PATJ: variants seen among roughly 807,000 people sequenced by gnomAD.
The protein encoded by PATJ is inaD-like protein.
In PATJ, 190 loss-of-function variants were observed where a neutral mutation model predicts 224.9. That is an observed-to-expected ratio of 0.84 (90% CI 0.75 to 0.95). PATJ has a LOEUF of 0.95. Ranked by LOEUF, PATJ falls within the 40% of genes least tolerant of loss-of-function variation. PATJ has a pLI of 0.00. For missense variants in PATJ, 2,121 were observed against 2,270.3 expected (o/e 0.93, Z 1.34); for synonymous variants, 769 against 820.3 (o/e 0.94, Z 1.07).
intron 30 of PATJ, among the ~76,000 whole-genome samples, chr1:62,044,269 C>A (rs999253845): frequency 9.9e-5 from 15 of 152,148 alleles, no homozygotes; most frequent in Non-Finnish European, 1.8e-4. Context: ...TGTCTTCAAC[C>A]TTCACCCCAT....
At chr1:61,993,910 C>A (rs1042649801) in intron 28 of PATJ, among the ~76,000 whole-genome samples, 1 of 152,136 alleles carries the variant, frequency 6.6e-6, no homozygotes, top group African/African-American at 2.4e-5. Flanking sequence ...TTGGACTCCT[C>A]CTATGCTTTC....
chr1:61,861,284 CTTTTT>C, intron 18 of PATJ, among the ~76,000 whole-genome samples: 12,128 of 49,002 alleles, frequency 0.25, 997 homozygotes, highest in African/African-American at 0.29. Context: ...TTCTTTCTTT[CTTTTT>C]TTTTTTTTTT....
At chr1:61,943,174 T>G (rs1678078256) in intron 27 of PATJ, among the ~76,000 whole-genome samples, 1 of 152,228 alleles carries the variant, frequency 6.6e-6, no homozygotes, top group African/African-American at 2.4e-5. Flanking sequence ...AGCTCCAGTC[T>G]ACAGCTCCCA....
intron 27 of PATJ, among the ~76,000 whole-genome samples, chr1:61,930,062 G>C (rs546285179): frequency 8.5e-5 from 13 of 152,110 alleles, no homozygotes; most frequent in Non-Finnish European, 1.9e-4. Context: ...AGCCATTCTT[G>C]AGCTATAATA....
intron 37 of PATJ, among the ~76,000 whole-genome samples, chr1:62,118,790 C>T (rs1050387947): frequency 1.3e-5 from 2 of 151,934 alleles, no homozygotes; most frequent in Non-Finnish European, 2.9e-5. Flanking sequence ...CCACCACATC[C>T]GGCTAATTTT....
intron 27 of PATJ, among the ~76,000 whole-genome samples, chr1:61,945,170 A>G (rs1306250773): frequency 2.0e-5 from 3 of 152,222 alleles, no homozygotes; most frequent in African/African-American, 7.2e-5. Flanking sequence ...TGCATCAACT[A>G]ACGAGCAAAA....
chr1:61,838,510 A>T (rs899523217), intron 17 of PATJ, among the ~76,000 whole-genome samples: 4 of 145,702 alleles, frequency 2.7e-5, no homozygotes, highest in African/African-American at 1.0e-4. Flanking sequence ...ACCTGCTACC[A>T]CGCCTGGCTA....
rs187511508 is a variant in PATJ, at chr1:61,916,992, A to G, written c.3570+2328A>G. Among the ~76,000 whole-genome samples the G allele has an allele frequency of 1.7e-3, 258 of 152,278 alleles. 1 individual carries two copies. The highest frequency in any genetic ancestry group is 6.8e-3 in the Middle Eastern group (2 of 294). On this transcript the variant is annotated intron_variant, in intron 26 of 43. Transcript: ENST00000642238. ...ACAGAGTCTGGAAAATACCTTAAAC[A>G]CTAATCTTAGTTTTTATAATAGTAA...
At position 61,827,656 on chromosome 1, in the gene PATJ, A is replaced by G. The variant is rs375278525; in HGVS notation, c.1980+73A>G. The G allele has an allele frequency of 9.2e-5, 130 of 1,410,606 alleles. No individual in the cohort carries two copies. In the African/African-American group the frequency reaches 1.7e-3, roughly 18 times the overall value. 87.4% of individuals were successfully genotyped at this position (1,410,606 alleles called of 1,614,324 possible). ...AAGATGCCCCGAAGACTGTGCTGCAATAAGAAGGGAGGGGAAACCATTCCA... is the reference window on the plus strand; with the variant it reads ...AAGATGCCCCGAAGACTGTGCTGCAGTAAGAAGGGAGGGGAAACCATTCCA... On this transcript the variant is annotated intron_variant, in intron 16 of 43. Coordinates refer to ENST00000642238, the MANE Select transcript of PATJ (RefSeq NM_001350145.3).
chr1:61,891,046 C>CAAA (rs559211382), intron 22 of PATJ, among the ~76,000 whole-genome samples: 8 of 134,690 alleles, frequency 5.9e-5, no homozygotes, highest in South Asian at 2.3e-4. Context: ...TGTTGATTAA[C>CAAA]AAAAAAAAAA....
At chr1:61,900,622 C>T (rs1274044927) in intron 23 of PATJ, among the ~76,000 whole-genome samples, 1 of 151,564 alleles carries the variant, frequency 6.6e-6, no homozygotes, top group Admixed American at 6.6e-5. Flanking sequence ...CGGAGTCTGG[C>T]TCTGTCGCCC....
chr1:62,052,041 G>A (rs1653725443), intron 31 of PATJ, among the ~76,000 whole-genome samples: 2 of 152,102 alleles, frequency 1.3e-5, no homozygotes, highest in Admixed American at 6.5e-5. Context: ...CTCATCATCT[G>A]CTTTTCTGTT....
intron 29 of PATJ, among the ~76,000 whole-genome samples, chr1:62,019,696 A>G (rs1193114421): frequency 6.6e-6 from 1 of 151,918 alleles, no homozygotes; most frequent in Non-Finnish European, 1.5e-5. Context: ...GTTAGACACC[A>G]GTCTCCTTTT....
At chr1:61,948,132 C>G (rs931163803) in intron 27 of PATJ, among the ~76,000 whole-genome samples, 6 of 152,274 alleles carry the variant, frequency 3.9e-5, no homozygotes, top group Admixed American at 2.6e-4. Context: ...CTAGGCAATA[C>G]CATTCAGGAC....
intron 33 of PATJ, among the ~76,000 whole-genome samples, chr1:62,097,262 T>G (rs2148818343): frequency 1.3e-5 from 2 of 152,196 alleles, no homozygotes; most frequent in Middle Eastern, 6.8e-3. Flanking sequence ...CTGGCAACCT[T>G]GATAGAATCT....
intron 33 of PATJ, among the ~76,000 whole-genome samples, chr1:62,097,819 C>T (rs575296906): frequency 1.3e-5 from 2 of 152,110 alleles, no homozygotes; most frequent in Non-Finnish European, 2.9e-5. Context: ...TCAACCTATG[C>T]GAGTTAGGAT....
chr1:62,134,625 G>A (rs2481668), intron 41 of PATJ, among the ~76,000 whole-genome samples: 110,727 of 151,846 alleles, frequency 0.73, 40,600 homozygotes, highest in East Asian at 0.81. Context: ...GATTACTGGT[G>A]TGAGCCACCA....
chr1:62,058,011 T>G (rs1426077652), intron 31 of PATJ, among the ~76,000 whole-genome samples: 1 of 152,220 alleles, frequency 6.6e-6, no homozygotes, highest in Non-Finnish European at 1.5e-5. Context: ...TTTCAAAAAT[T>G]TTCAGAATGT....
At chr1:62,112,540 T>A (rs1232942516) in intron 34 of PATJ, among the ~76,000 whole-genome samples, 2 of 152,102 alleles carry the variant, frequency 1.3e-5, no homozygotes, top group Non-Finnish European at 2.9e-5. Context: ...GACCATTGCT[T>A]CATTGTACAG....
Sources: allele counts gnomAD v4.1 joint callset (sites outside exome capture counted in the v4.1 genomes callset), GRCh38; gene constraint gnomAD v4.1.1; transcripts MANE v1.5; gene names NCBI Gene and HGNC (gene_info 2026-07-23, HGNC 2026-07-21).